Variants in GULP1 observed in about 807,000 individuals in gnomAD.
GULP1 encodes PTB domain-containing engulfment adapter protein 1.
GULP1 carries 19 observed loss-of-function variants against 40.9 expected under a neutral mutation model. That is an observed-to-expected ratio of 0.46 (90% CI 0.32 to 0.68). The LOEUF is 0.68. GULP1 is among the 30% of genes least tolerant of loss of function. The probability of loss-of-function intolerance (pLI) is 0.03; values close to 1 mark genes in which losing one functional copy is unlikely to be tolerated. For missense variants in GULP1, 312 were observed against 362.2 expected, an observed-to-expected ratio of 0.86 and a Z score of 1.12; for synonymous variants, 119 against 117.6, an observed-to-expected ratio of 1.01 and a Z score of -0.08.
chr2:188,310,561 A>G (rs188417268), intron 1 of GULP1, among the ~76,000 whole-genome samples: 45 of 152,324 alleles, frequency 3.0e-4, no homozygotes, highest in Non-Finnish European at 5.7e-4. Flanking sequence ...AGAAAAAAGT[A>G]AGAATTCTTC....
rs536902575 is a variant in GULP1, at chr2:188,312,963, G to T, written c.-172+20797G>T. On this transcript the variant is annotated intron_variant, in intron 1 of 11. Coordinates refer to ENST00000409830, the MANE Select transcript of GULP1 (RefSeq NM_016315.4). ...TATCCTTTGCCCACTTTTTGATGGGGTTGTTTGTTTTTTTCCTGTAAATTT... is the reference window on the plus strand; with the variant it reads ...TATCCTTTGCCCACTTTTTGATGGGTTTGTTTGTTTTTTTCCTGTAAATTT... 3.4e-4 allele frequency among the ~76,000 whole-genome samples: 40 copies of T among 116,536 alleles called. 1 individual carries two copies. In the South Asian group the frequency reaches 7.6e-3, roughly 22 times the overall value. 76.5% of individuals were successfully genotyped at this position (116,536 alleles called of 152,430 possible).
chr2:188,423,005 C>T (rs1334137417), intron 2 of GULP1, among the ~76,000 whole-genome samples: 1 of 152,046 alleles, frequency 6.6e-6, no homozygotes, highest in African/African-American at 2.4e-5. Flanking sequence ...GAGATTTCCA[C>T]TAATCTCTAG....
chr2:188,542,829 G>A (rs996794538), intron 7 of GULP1, among the ~76,000 whole-genome samples: 1 of 152,040 alleles, frequency 6.6e-6, no homozygotes, highest in Admixed American at 6.6e-5. Context: ...GATATTTGTT[G>A]AATATCTTCT....
chr2:188,570,087 C>G lies in GULP1; in HGVS notation c.576C>G (p.Asn192Lys), dbSNP rs756340887. 2 of 1,472,164 alleles carry G rather than the reference C, an allele frequency of 1.4e-6. No homozygotes were observed. The highest frequency in any genetic ancestry group is 2.4e-5 in the South Asian group (2 of 82,892). The allele number at this position is 1,472,164 out of a possible 1,614,324, so 91.2% of individuals were successfully genotyped here. Residue 192 changes from asparagine (N) to lysine (K), a missense_variant, in exon 9 of 12, where the codon AAC becomes AAG. Coordinates refer to ENST00000409830, the MANE Select transcript of GULP1 (RefSeq NM_016315.4). ...AAAATAAAGTACAAGATTTGGAAAA[C>G]CAACTGAGAATAACTCAAGTATCAG... is the stretch of plus-strand genomic sequence containing the variant. The part of the protein sequence containing the change: ...ELKNKVQDLE[N>K]QLRITQVSAP...
At chr2:188,435,324 A>G (rs2057304541) in intron 2 of GULP1, among the ~76,000 whole-genome samples, 1 of 152,038 alleles carries the variant, frequency 6.6e-6, no homozygotes, top group Admixed American at 6.6e-5. Context: ...TGCCCTTTCA[A>G]TTACTGCTGA....
At chr2:188,295,506 T>C (rs566455311) in intron 1 of GULP1, among the ~76,000 whole-genome samples, 1 of 152,304 alleles carries the variant, frequency 6.6e-6, no homozygotes, top group Non-Finnish European at 1.5e-5. Context: ...TTATGATCAT[T>C]GTGAAATATT....
chr2:188,463,454 T>C (rs1050686521), intron 2 of GULP1, among the ~76,000 whole-genome samples: 1 of 152,330 alleles, frequency 6.6e-6, no homozygotes, highest in Admixed American at 6.5e-5. Context: ...TCTTTATCCT[T>C]GACCTTTGGG....
intron 2 of GULP1, among the ~76,000 whole-genome samples, chr2:188,442,546 T>C (rs1042571604): frequency 1.3e-5 from 2 of 152,248 alleles, no homozygotes. Flanking sequence ...GTACTTTTTT[T>C]GTTTGTTTTA....
At chr2:188,522,117 A>G (rs952253588) in intron 4 of GULP1, among the ~76,000 whole-genome samples, 1 of 152,126 alleles carries the variant, frequency 6.6e-6, no homozygotes. Context: ...AAACAGTACA[A>G]TTGTAGATCA....
Position 188,542,443 on chromosome 2 carries a change from A to G in GULP1, c.399+1125A>G, listed in dbSNP as rs139185328. Reference sequence around the variant, plus strand: ...TTCATGTGACTCCTACATCAAGTGGACAATAGGTGCTCAATGAAACATTCC... The same window carrying G: ...TTCATGTGACTCCTACATCAAGTGGGCAATAGGTGCTCAATGAAACATTCC... On this transcript the variant is annotated intron_variant, in intron 7 of 11. Coordinates refer to ENST00000409830, the MANE Select transcript of GULP1 (RefSeq NM_016315.4). Among the ~76,000 whole-genome samples the G allele has an allele frequency of 5.7e-3, 871 of 152,266 alleles. 10 individuals carry two copies. The highest frequency in any genetic ancestry group is 0.02 in the African/African-American group (820 of 41,538).
At chr2:188,393,177 T>C (rs1228208334) in intron 2 of GULP1, among the ~76,000 whole-genome samples, 1 of 151,946 alleles carries the variant, frequency 6.6e-6, no homozygotes, top group Non-Finnish European at 1.5e-5. Context: ...CAGTGCCACG[T>C]TGAAGTCCCC....
At chr2:188,511,147 G>A (rs1317076165) in intron 4 of GULP1, among the ~76,000 whole-genome samples, 6 of 152,088 alleles carry the variant, frequency 3.9e-5, no homozygotes, top group Admixed American at 6.6e-5. Flanking sequence ...ATCAGTATTC[G>A]GAAACTCATT....
At chr2:188,340,553 T>A (rs936686790) in intron 1 of GULP1, among the ~76,000 whole-genome samples, 4 of 152,172 alleles carry the variant, frequency 2.6e-5, no homozygotes, top group Non-Finnish European at 5.9e-5. Flanking sequence ...CTCAGAGGGC[T>A]TGTGTTGCCA....
chr2:188,378,018 T>C (rs992501034), intron 1 of GULP1, among the ~76,000 whole-genome samples: 2 of 152,136 alleles, frequency 1.3e-5, no homozygotes, highest in Admixed American at 6.5e-5. Context: ...TAGTCAGATG[T>C]TTAAGCAGTG....
chr2:188,295,390 C>T (rs1048336917), intron 1 of GULP1, among the ~76,000 whole-genome samples: 12 of 152,134 alleles, frequency 7.9e-5, no homozygotes, highest in Non-Finnish European at 1.8e-4. Context: ...CTTCTCAGCT[C>T]TGTGATTTCT....
At chr2:188,497,263 A>T (rs1356852701) in intron 4 of GULP1, among the ~76,000 whole-genome samples, 26 of 152,010 alleles carry the variant, frequency 1.7e-4, no homozygotes, top group Admixed American at 1.5e-3. Context: ...TATGTTATTT[A>T]TTTAGTAAAT....
rs993715228 is a variant in GULP1, at chr2:188,292,226, T to C, written c.-172+60T>C. ...GAACCCAGGCTCCCTCCAGGTAGCG[T>C]GGAATCGCTTAGAAGCTGATATCCC... On this transcript the variant is annotated intron_variant, in intron 1 of 11. Transcript: ENST00000409830. The surrounding 1 kb of genome is among the most constrained non-coding windows in gnomAD (Gnocchi z 4.0). 12 of 152,408 alleles carry C rather than the reference T, an allele frequency of 7.9e-5. No individual in the cohort carries two copies. The highest frequency in any genetic ancestry group is 2.9e-4 in the African/African-American group (12 of 41,450). The allele number at this position is 152,408 out of a possible 1,614,324, so 9.4% of individuals were successfully genotyped here.
At chr2:188,313,774 T>A (rs1316706141) in intron 1 of GULP1, among the ~76,000 whole-genome samples, 1 of 152,164 alleles carries the variant, frequency 6.6e-6, no homozygotes, top group African/African-American at 2.4e-5. Flanking sequence ...TTTGTTTGCA[T>A]CCTCTTTTAT....
chr2:188,587,747 C>A, intron 10 of GULP1, 108 bp from the exon 11 acceptor site: 1 of 664,168 alleles, frequency 1.5e-6, no homozygotes, highest in Non-Finnish European at 2.7e-6. Flanking sequence ...GGGTTAGTGG[C>A]TTATTTGATC....
Sources: gnomAD v4.1 joint callset for allele counts (sites outside exome capture counted in the v4.1 genomes callset) on GRCh38, gnomAD v4.1.1 for gene constraint, Gnocchi (gnomAD v3.1) non-coding constraint, MANE v1.5 for transcripts, NCBI Gene and HGNC (gene_info 2026-07-23, HGNC 2026-07-21) for gene names.